Variants in ELAVL1 observed in about 807,000 individuals in gnomAD.
The protein encoded by ELAVL1 is ELAV like RNA binding protein 1, also known as ELAV-like protein 1.
In ELAVL1, 1 loss-of-function variant was observed where a neutral mutation model predicts 28.4. The observed-to-expected ratio is 0.04, with a 90% CI of 0.01 to 0.17. The LOEUF (loss-of-function observed/expected upper bound fraction) is 0.17, where lower values mean the gene tolerates loss of function less well. Among genes scored for constraint, ELAVL1 ranks in the 10% least tolerant of loss-of-function variants. The pLI is 1.00. For synonymous variants in ELAVL1, 174 were observed against 183.5 expected (o/e 0.95, Z 0.42); for missense variants, 157 against 447.2 (o/e 0.35, Z 5.85).
intron 4 of ELAVL1, among the ~76,000 whole-genome samples, chr19:7,972,623 TTTTC>T (rs933121749): frequency 1.5e-5 from 2 of 132,352 alleles, no homozygotes; most frequent in African/African-American, 6.8e-5. Flanking sequence ...CAGCCTTTTT[TTTTC>T]TTTTTCTTTT....
In ELAVL1 at chr19:7,991,174, G is replaced by A. The variant is rs537848417; in HGVS notation, c.172+470C>T. 9.2e-5 allele frequency among the ~76,000 whole-genome samples: 14 copies of A among 152,304 alleles called. No individual in the cohort carries two copies. The East Asian group carries it at 2.5e-3, about 27-fold the overall frequency. On this transcript the variant is annotated intron_variant, in intron 2 of 5. Coordinates refer to ENST00000407627, the MANE Select transcript of ELAVL1 (RefSeq NM_001419.3). ...CAGAGCAGCCCAAACATAACGAAGG[G>A]CTGTCCACAAGGTCCTCGGTGTTCT...
Position 7,962,010 on chromosome 19 carries a change from A to C in ELAVL1, c.*1473T>G, listed in dbSNP as rs1205061687. ...TCTCTCTGTAAACTAGTTATTTATA[A>C]ACGCCAGATCCCAGTCCTGAGGAGT... On this transcript the variant is annotated 3_prime_UTR_variant, in exon 6 of 6. Transcript: ENST00000407627. 3.9e-5 allele frequency: 6 copies of C among 153,640 alleles called. No homozygotes were observed. The East Asian group carries it at 1.2e-3, about 30-fold the overall frequency. The allele number at this position is 153,640 out of a possible 1,614,324, so 9.5% of individuals were successfully genotyped here.
At chr19:7,995,883 A>G (rs902641857) in intron 1 of ELAVL1, among the ~76,000 whole-genome samples, 1 of 151,938 alleles carries the variant, frequency 6.6e-6, no homozygotes, top group African/African-American at 2.4e-5. Flanking sequence ...CAACTGGAGT[A>G]AACATTTGCA....
chr19:7,961,278 G>A lies in ELAVL1; in HGVS notation c.*2205C>T, dbSNP rs1319701393. On this transcript the variant is annotated 3_prime_UTR_variant, in exon 6 of 6. Coordinates refer to ENST00000407627, the MANE Select transcript of ELAVL1 (RefSeq NM_001419.3). ...GGCATGTGTGGGAGTGAGACTCCAG[G>A]GGGAGTTTCAGAAGCGGGAATCCCG... is the stretch of plus-strand genomic sequence containing the variant. 1.3e-5 allele frequency: 2 copies of A among 152,212 alleles called. No homozygotes were observed. The highest frequency in any genetic ancestry group is 1.9e-4 in the East Asian group (1 of 5,182). The allele number at this position is 152,212 out of a possible 1,614,324, so 9.4% of individuals were successfully genotyped here.
intron 1 of ELAVL1, among the ~76,000 whole-genome samples, chr19:7,996,762 G>A (rs1357600329): frequency 5.9e-5 from 9 of 152,090 alleles, no homozygotes; most frequent in African/African-American, 1.9e-4. Context: ...GCAATGAGCC[G>A]AGATGGCGCC....
At chr19:7,966,871 G>T (rs1450342964) in intron 5 of ELAVL1, among the ~76,000 whole-genome samples, 1 of 151,970 alleles carries the variant, frequency 6.6e-6, no homozygotes, top group Non-Finnish European at 1.5e-5. Flanking sequence ...CTCCTAACTC[G>T]GCCTCCTGAG....
intron 1 of ELAVL1, among the ~76,000 whole-genome samples, chr19:7,993,066 GCTT>G (rs1985793276): frequency 6.6e-6 from 1 of 152,172 alleles, no homozygotes; most frequent in Non-Finnish European, 1.5e-5. Context: ...ACTGTGTCCG[GCTT>G]CTTTCTATTT....
intron 1 of ELAVL1, among the ~76,000 whole-genome samples, chr19:7,993,076 A>G (rs559292937): frequency 6.6e-6 from 1 of 152,314 alleles, no homozygotes; most frequent in East Asian, 1.9e-4. Context: ...GCTTCTTTCT[A>G]TTTAAAAAAA....
chr19:7,990,666 T>G (rs1019817371), intron 2 of ELAVL1, among the ~76,000 whole-genome samples: 3 of 152,102 alleles, frequency 2.0e-5, no homozygotes, highest in African/African-American at 7.2e-5. Context: ...GTGCCCAGCC[T>G]GAAGTGAGTT....
chr19:7,965,040 G>A (rs1211233756), intron 5 of ELAVL1, among the ~76,000 whole-genome samples: 1 of 152,230 alleles, frequency 6.6e-6, no homozygotes, highest in Non-Finnish European at 1.5e-5. Flanking sequence ...TCACCCTCTC[G>A]ACAGACACGA....
At chr19:7,988,434 C>T (rs938448216) in intron 2 of ELAVL1, among the ~76,000 whole-genome samples, 22 of 152,034 alleles carry the variant, frequency 1.4e-4, no homozygotes, top group African/African-American at 4.8e-4. Flanking sequence ...CTGGCATAAC[C>T]GGCTGAGTCA....
intron 4 of ELAVL1, among the ~76,000 whole-genome samples, chr19:7,968,809 G>C (rs1985026513): frequency 6.6e-6 from 1 of 152,250 alleles, no homozygotes; most frequent in South Asian, 2.1e-4. Flanking sequence ...AGGCCCGGGA[G>C]GGAAACATGA....
chr19:7,987,385 C>A (rs541501690), intron 2 of ELAVL1, among the ~76,000 whole-genome samples: 4 of 152,168 alleles, frequency 2.6e-5, no homozygotes, highest in Non-Finnish European at 5.9e-5. Context: ...AGAGACCAGA[C>A]ACTGGGGCAG....
rs376855488 is a variant in ELAVL1, at chr19:7,970,132, C to G, written c.431-2342G>C. Among the ~76,000 whole-genome samples the G allele has an allele frequency of 4.6e-5, 7 of 152,004 alleles. No homozygotes were observed. In the South Asian group the frequency reaches 1.5e-3, roughly 32 times the overall value. The stretch of plus-strand genomic sequence containing the variant: ...GGACTCCAGGCGCCTGCCACCATGC[C>G]TGGCTAATTTTTATTTTATTTTACT... On this transcript the variant is annotated intron_variant, in intron 4 of 5. Coordinates refer to ENST00000407627, the MANE Select transcript of ELAVL1 (RefSeq NM_001419.3).
At chr19:8,000,906 C>T (rs1028017715) in intron 1 of ELAVL1, among the ~76,000 whole-genome samples, 24 of 152,278 alleles carry the variant, frequency 1.6e-4, no homozygotes, top group Admixed American at 2.0e-4. Flanking sequence ...GCTCTGGCTT[C>T]TTTCTGGCTG....
Position 7,991,771 on chromosome 19 carries a change from A to G in ELAVL1, c.45T>C (p.Gly15=). The G allele has an allele frequency of 1.2e-6, 2 of 1,613,972 alleles. No homozygotes were observed. The highest frequency in any genetic ancestry group is 1.7e-6 in the Non-Finnish European group (2 of 1,179,992). Residue 15 remains glycine (G), a synonymous_variant, in exon 2 of 6, where the codon GGT becomes GGC. Coordinates refer to ENST00000407627, the MANE Select transcript of ELAVL1 (RefSeq NM_001419.3). ...CGATCAAATTCGTTCTCCCGATGTC[A>G]CCCCTGCAGTCTTCGGCCATGTGGT... ...YEDHMAEDCR[G]DIGRTNLIVN...
rs150616083 is a variant in ELAVL1, at chr19:7,996,003, C to T, written c.-16-4172G>A. 2.1e-3 allele frequency among the ~76,000 whole-genome samples: 316 copies of T among 152,010 alleles called. 1 individual carries two copies. Among genetic ancestry groups the T allele is most frequent in the Non-Finnish European group, 3.6e-3 (244 of 67,998 alleles). On this transcript the variant is annotated intron_variant, in intron 1 of 5. Coordinates refer to ENST00000407627, the MANE Select transcript of ELAVL1 (RefSeq NM_001419.3). ...TCATAGCTCACTGCAGCCACAAACT[C>T]TTGGGTTCAAGCAATCCTCCTGCCT...
chr19:7,991,774 C>T lies in ELAVL1; in HGVS notation c.42G>A (p.Arg14=), dbSNP rs1197997361. The change falls in exon 2 of 6, where the codon AGG becomes AGA. Residue 14 remains arginine (R), a synonymous_variant. Transcript: ENST00000407627. ...GYEDHMAEDC[R]GDIGRTNLIV... ...TCAAATTCGTTCTCCCGATGTCACCCCTGCAGTCTTCGGCCATGTGGTCTT... is the reference window on the plus strand; with the variant it reads ...TCAAATTCGTTCTCCCGATGTCACCTCTGCAGTCTTCGGCCATGTGGTCTT... The T allele has an allele frequency of 6.2e-7, 1 of 1,614,120 alleles. No individual in the cohort carries two copies. The highest frequency in any genetic ancestry group is 1.3e-5 in the African/African-American group (1 of 75,030).
At chr19:7,976,271 A>G (rs986337592) in intron 3 of ELAVL1, among the ~76,000 whole-genome samples, 7 of 148,300 alleles carry the variant, frequency 4.7e-5, no homozygotes, top group African/African-American at 1.7e-4. Context: ...GCATGGTGGC[A>G]GGCGCCTGTA....
Sources: gnomAD v4.1 joint callset for allele counts (sites outside exome capture counted in the v4.1 genomes callset) on GRCh38, gnomAD v4.1.1 for gene constraint, MANE v1.5 for transcripts, NCBI Gene and HGNC (gene_info 2026-07-23, HGNC 2026-07-21) for gene names.